The following TAF7L variants were observed in gnomAD, a reference collection of about 807,000 sequenced individuals.
TAF7L encodes TATA-box binding protein associated factor 7 like, also known as transcription initiation factor TFIID subunit 7-like.
In TAF7L, 6 loss-of-function variants were observed where a neutral mutation model predicts 30.2. That is an observed-to-expected ratio of 0.20 (90% CI 0.11 to 0.39). The LOEUF (loss-of-function observed/expected upper bound fraction) is 0.39, where lower values mean the gene tolerates loss of function less well. Ranked by LOEUF, TAF7L falls within the 10% of genes least tolerant of loss-of-function variation. The probability of loss-of-function intolerance (pLI) is 1.00; values close to 1 mark genes in which losing one functional copy is unlikely to be tolerated. For synonymous variants in TAF7L, 93 were observed against 94.5 expected (o/e 0.98, Z 0.09); for missense variants, 284 against 277.1 (o/e 1.03, Z -0.18).
intron 6 of TAF7L, among the ~76,000 whole-genome samples, chrX:101,279,895 G>A (rs1267632930): frequency 1.8e-5 from 2 of 110,628 alleles, no homozygotes; most frequent in Non-Finnish European, 3.8e-5. Flanking sequence ...CAAATAGTGC[G>A]AGAGCAATTA....
intron 12 of TAF7L, among the ~76,000 whole-genome samples, chrX:101,271,650 T>C (rs890402693): frequency 8.9e-6 from 1 of 111,860 alleles, no homozygotes; most frequent in Non-Finnish European, 1.9e-5. Context: ...TATGCACTAC[T>C]GAAGACTATA....
In TAF7L at chrX:101,283,560, C is replaced by T; in HGVS notation, c.169G>A (p.Glu57Lys). The T allele has an allele frequency of 1.7e-6, 2 of 1,211,553 alleles. No individual in the cohort carries two copies. Among genetic ancestry groups the T allele is most frequent in the Non-Finnish European group, 2.2e-6 (2 of 895,368 alleles). The change falls in exon 4 of 13, where the codon GAA becomes AAA. Residue 57 changes from glutamate (E) to lysine (K), a missense_variant. Coordinates refer to ENST00000356784, the MANE Select transcript of TAF7L (RefSeq NM_001168474.2). ...GCAGCTAGTGGGACATCTTCTACTT[C>T]AACAACTGCATGGCGCCCATCAGCT... ...LLPDGRHAVV[E>K]VEDVPLAAKL...
chrX:101,275,405 G>T, intron 11 of TAF7L, 124 bp from the exon 12 acceptor site: 1 of 496,169 alleles, frequency 2.0e-6, no homozygotes, highest in East Asian at 4.0e-5. Flanking sequence ...ATCTTCCTCT[G>T]TCACCCAGGC....
chrX:101,269,202 C>G lies in TAF7L; in HGVS notation c.1122G>C (p.Leu374=). 2.5e-6 allele frequency: 3 copies of G among 1,209,332 alleles called. No individual in the cohort carries two copies. Among genetic ancestry groups the G allele is most frequent in the Non-Finnish European group, 3.4e-6 (3 of 893,961 alleles). Residue 374 remains leucine, a synonymous_variant, in exon 13 of 13, where the codon CTG becomes CTC. Coordinates refer to ENST00000356784, the MANE Select transcript of TAF7L (RefSeq NM_001168474.2). ...ACGCCAATGGCTCTCCTCACTTCTT[C>G]AGAAAACGCTGCAACTGTTCCTGTA... is the stretch of plus-strand genomic sequence containing the variant. ...ISLQEQLQRF[L]KK is the part of the protein sequence containing the mutation.
chrX:101,291,671 C>T (rs12011957), upstream of TAF7L, among the ~76,000 whole-genome samples: 45,195 of 107,613 alleles, frequency 0.42, 7,426 homozygotes, highest in African/African-American at 0.59. Flanking sequence ...TCGAGACCAT[C>T]CTGGCCAACA....
chrX:101,269,334 T>C, intron 12 of TAF7L, 97 bp from the exon 13 acceptor site: 1 of 773,332 alleles, frequency 1.3e-6, no homozygotes, highest in African/African-American at 2.0e-5. Flanking sequence ...AAAGAACTAC[T>C]GTTATTTGGC....
intron 12 of TAF7L, among the ~76,000 whole-genome samples, chrX:101,270,082 G>T (rs1355569008): frequency 9.0e-6 from 1 of 111,620 alleles, no homozygotes. Context: ...GACCAATCAG[G>T]AGCCTGATGA....
chrX:101,291,332 A>G lies in TAF7L; in HGVS notation c.-111T>C, dbSNP rs1924792935. On this transcript the variant is annotated 5_prime_UTR_variant, in exon 1 of 13. Coordinates refer to ENST00000356784, the MANE Select transcript of TAF7L (RefSeq NM_001168474.2). ...GGCTCCCGCGCGGAACGTAGAGGCG[A>G]ACGCTGGGCTGCCGGCGCCTGGACA... 2.7e-6 allele frequency: 2 copies of G among 750,176 alleles called. No individual in the cohort carries two copies. The highest frequency in any genetic ancestry group is 3.1e-6 in the Non-Finnish European group (2 of 635,330). The allele number at this position is 750,176 out of a possible 1,213,427, so 61.8% of individuals were successfully genotyped here.
intron 12 of TAF7L, among the ~76,000 whole-genome samples, chrX:101,272,166 T>C (rs907281369): frequency 2.7e-5 from 3 of 111,495 alleles, no homozygotes; most frequent in Non-Finnish European, 3.8e-5. Flanking sequence ...TTAGCCTATA[T>C]TGCCTTCTTC....
intron 1 of TAF7L, among the ~76,000 whole-genome samples, chrX:101,290,082 A>G (rs748681191): frequency 2.7e-5 from 3 of 110,100 alleles, no homozygotes; most frequent in Non-Finnish European, 5.7e-5. Context: ...GTATCTTTAC[A>G]GCTAGTTGGG....
At chrX:101,281,370 A>G (rs1025237695) in intron 6 of TAF7L, among the ~76,000 whole-genome samples, 1 of 112,191 alleles carries the variant, frequency 8.9e-6, no homozygotes, top group African/African-American at 3.2e-5. Context: ...ACAAGCCTGA[A>G]ATAACATTAG....
chrX:101,277,093 A>C (rs1924216528), intron 9 of TAF7L, among the ~76,000 whole-genome samples: 1 of 98,354 alleles, frequency 1.0e-5, no homozygotes, highest in African/African-American at 3.8e-5. Context: ...CAGAGGTTGC[A>C]GTGAGCCGAG....
chrX:101,279,873 T>C (rs1195813986), intron 6 of TAF7L, among the ~76,000 whole-genome samples: 1 of 110,607 alleles, frequency 9.0e-6, no homozygotes, highest in Non-Finnish European at 1.9e-5. Context: ...AGAGGAAGAA[T>C]AGCCTTTTCA....
chrX:101,280,636 C>T (rs151265973), intron 6 of TAF7L, among the ~76,000 whole-genome samples: 1,530 of 111,612 alleles, frequency 0.014, 34 homozygotes, highest in African/African-American at 0.048. Flanking sequence ...GACATTTATT[C>T]CAAAGAAATG....
intron 3 of TAF7L, 84 bp from the exon 4 acceptor site, chrX:101,283,667 G>T: frequency 3.0e-6 from 3 of 1,010,982 alleles, no homozygotes; most frequent in Non-Finnish European, 4.1e-6. Flanking sequence ...GACTTATGTG[G>T]GACAGATTAG....
intron 9 of TAF7L, 128 bp from the exon 10 acceptor site, chrX:101,276,656 C>A: frequency 1.4e-6 from 1 of 707,591 alleles, no homozygotes; most frequent in Non-Finnish European, 2.1e-6. Context: ...TTTTTTCATG[C>A]AGGAAGATTA....
At chrX:101,292,423 G>A (rs1443421010), upstream of TAF7L, among the ~76,000 whole-genome samples, 1 of 72,350 alleles carries the variant, frequency 1.4e-5, no homozygotes, top group Non-Finnish European at 2.4e-5. Flanking sequence ...TGGGCAACAA[G>A]AGCGAAACTC....
chrX:101,273,381 A>C (rs1259847511), intron 12 of TAF7L, among the ~76,000 whole-genome samples: 1 of 111,478 alleles, frequency 9.0e-6, no homozygotes, highest in Non-Finnish European at 1.9e-5. Context: ...CGAGGTCAGG[A>C]GATCAAGACC....
rs900476872 is a variant in TAF7L at position 101,277,866 on chromosome X, C to A, written c.578-147G>T. The A allele has an allele frequency of 4.1e-5, 22 of 537,437 alleles. No homozygotes were observed. The African/African-American group carries it at 4.5e-4, about 11-fold the overall frequency. 44.3% of individuals were successfully genotyped at this position (537,437 alleles called of 1,213,427 possible). A position where few individuals can be genotyped will look rare whatever the true frequency, so the allele number is the denominator to read the frequency against. The stretch of plus-strand genomic sequence containing the variant: ...GAATTCCTAGTTTGGAGAAGTGCCT[C>A]ATATTGAATTACACAATAAATAATT... On this transcript the variant is annotated intron_variant, in intron 8 of 12. Coordinates refer to ENST00000356784, the MANE Select transcript of TAF7L (RefSeq NM_001168474.2).
Sources: allele counts gnomAD v4.1 joint callset (sites outside exome capture counted in the v4.1 genomes callset), GRCh38; gene constraint gnomAD v4.1.1; transcripts MANE v1.5; gene names NCBI Gene and HGNC (gene_info 2026-07-23, HGNC 2026-07-21).